The following LRMDA variants were observed in gnomAD, a reference collection of about 807,000 sequenced individuals.
LRMDA encodes leucine rich melanocyte differentiation associated.
In LRMDA, 18 loss-of-function variants were observed where a neutral mutation model predicts 29.8. The ratio of observed to expected loss-of-function variants is 0.60; its 90% CI spans 0.42 to 0.90. LRMDA has a LOEUF of 0.90. Among genes scored for constraint, LRMDA ranks in the 40% least tolerant of loss-of-function variants. The pLI, the probability that LRMDA is intolerant of heterozygous loss-of-function variation, is 0.00. For missense variants in LRMDA, 273 were observed against 273.9 expected (o/e 1.00, Z 0.02); for synonymous variants, 125 against 109.4 (o/e 1.14, Z -0.89).
intron 2 of LRMDA, among the ~76,000 whole-genome samples, chr10:76,030,731 GTGAGCTGCGA>G (rs987317880): frequency 3.5e-4 from 54 of 152,366 alleles, no homozygotes; most frequent in African/African-American, 1.1e-3. Context: ...GGAGGTTGCA[GTGAGCTGCGA>G]TTGTGCCACT....
intron 2 of LRMDA, among the ~76,000 whole-genome samples, chr10:75,661,289 A>T (rs761554013): frequency 3.9e-5 from 6 of 152,222 alleles, no homozygotes; most frequent in Non-Finnish European, 7.3e-5. Context: ...GAAGGATCCC[A>T]ACAGAGGCTG....
chr10:76,192,248 T>A (rs1314997210), intron 5 of LRMDA, among the ~76,000 whole-genome samples: 2 of 152,116 alleles, frequency 1.3e-5, no homozygotes, highest in South Asian at 2.1e-4. Context: ...CTCCAGTGAG[T>A]CTAATTTCTT....
intron 2 of LRMDA, among the ~76,000 whole-genome samples, chr10:75,870,550 G>T (rs919361151): frequency 6.6e-6 from 1 of 152,124 alleles, no homozygotes; most frequent in African/African-American, 2.4e-5. Context: ...TATGTCCTTT[G>T]GAGCTCTCCC....
At chr10:75,530,548 A>G (rs1845465542) in intron 2 of LRMDA, among the ~76,000 whole-genome samples, 2 of 152,106 alleles carry the variant, frequency 1.3e-5, no homozygotes, top group African/African-American at 2.4e-5. Context: ...TGTGAAGGGC[A>G]CCCCCATTCC....
chr10:76,162,636 A>G (rs1850668636), intron 5 of LRMDA, among the ~76,000 whole-genome samples: 1 of 152,138 alleles, frequency 6.6e-6, no homozygotes, highest in South Asian at 2.1e-4. Flanking sequence ...TCTCATGAGA[A>G]GTCACTTGTT....
intron 2 of LRMDA, among the ~76,000 whole-genome samples, chr10:75,922,325 G>T (rs1436751082): frequency 6.6e-6 from 1 of 152,186 alleles, no homozygotes; most frequent in African/African-American, 2.4e-5. Context: ...GTTTTGGTTT[G>T]GTTTGCCTTC....
At chr10:75,838,124 A>G (rs548052032) in intron 2 of LRMDA, among the ~76,000 whole-genome samples, 32 of 152,350 alleles carry the variant, frequency 2.1e-4, no homozygotes, top group African/African-American at 7.7e-4. Context: ...TCTATTTTTC[A>G]AATGTCCATA....
At chr10:76,469,265 G>A (rs1315610379) in intron 6 of LRMDA, among the ~76,000 whole-genome samples, 3 of 152,142 alleles carry the variant, frequency 2.0e-5, no homozygotes, top group Non-Finnish European at 4.4e-5. Context: ...TTACCCAGAA[G>A]AGCAGGCTGC....
At chr10:76,229,887 T>C (rs1852028077) in intron 5 of LRMDA, among the ~76,000 whole-genome samples, 1 of 152,154 alleles carries the variant, frequency 6.6e-6, no homozygotes, top group African/African-American at 2.4e-5. Context: ...TGCCCCTTAG[T>C]TCACTTTCTT....
intron 5 of LRMDA, among the ~76,000 whole-genome samples, chr10:76,206,657 A>G (rs181889228): frequency 6.6e-6 from 1 of 152,178 alleles, no homozygotes; most frequent in Non-Finnish European, 1.5e-5. Context: ...GGGCTGTGTT[A>G]ATCATAAATT....
At chr10:75,846,722 A>C (rs894820095) in intron 2 of LRMDA, among the ~76,000 whole-genome samples, 2 of 152,044 alleles carry the variant, frequency 1.3e-5, no homozygotes, top group African/African-American at 4.8e-5. Context: ...CCAAAAACAA[A>C]CCCCCCACCA....
chr10:76,484,235 C>T (rs1842760265), intron 6 of LRMDA, among the ~76,000 whole-genome samples: 1 of 151,436 alleles, frequency 6.6e-6, no homozygotes, highest in Non-Finnish European at 1.5e-5. Context: ...TCTTCTCCTC[C>T]TTCTCCTTCT....
At chr10:75,679,733 C>A (rs1842001996) in intron 2 of LRMDA, among the ~76,000 whole-genome samples, 1 of 152,094 alleles carries the variant, frequency 6.6e-6, no homozygotes, top group Non-Finnish European at 1.5e-5. Context: ...TGTTCTGTCA[C>A]CAGTCTCCTT....
At chr10:75,736,470 TATTA>T (rs1358969476) in intron 2 of LRMDA, among the ~76,000 whole-genome samples, 12 of 152,322 alleles carry the variant, frequency 7.9e-5, no homozygotes, top group Admixed American at 2.6e-4. Flanking sequence ...CATGCGGTGC[TATTA>T]ATTCTCATTG....
chr10:76,073,743 A>G (rs1033421158), intron 5 of LRMDA, among the ~76,000 whole-genome samples: 2 of 152,134 alleles, frequency 1.3e-5, no homozygotes, highest in Non-Finnish European at 2.9e-5. Flanking sequence ...CCCAGGCTAG[A>G]GGGAATGTAG....
intron 6 of LRMDA, among the ~76,000 whole-genome samples, chr10:76,434,146 C>CTTCT (rs55646122): frequency 0.39 from 58,495 of 151,464 alleles, 11,643 homozygotes; most frequent in Non-Finnish European, 0.43. Context: ...CTCATATCCT[C>CTTCT]TTCTTTCTTT....
intron 2 of LRMDA, among the ~76,000 whole-genome samples, chr10:75,888,184 C>A (rs554193126): frequency 4.9e-4 from 75 of 152,272 alleles, no homozygotes; most frequent in Middle Eastern, 3.4e-3. Flanking sequence ...CCAGCCCCAG[C>A]CCTGTAGCCA....
chr10:76,323,860 T>G (rs1412683729), intron 5 of LRMDA, among the ~76,000 whole-genome samples: 1 of 152,246 alleles, frequency 6.6e-6, no homozygotes, highest in Non-Finnish European at 1.5e-5. Context: ...TTCTCACTGC[T>G]GTTGTTAAAC....
At chr10:75,958,573 A>C (rs1470558044) in intron 2 of LRMDA, among the ~76,000 whole-genome samples, 1 of 151,498 alleles carries the variant, frequency 6.6e-6, no homozygotes, top group Non-Finnish European at 1.5e-5. Context: ...TTGAAAAAAA[A>C]CCTGCCCACT....
Sources: gnomAD v4.1 joint callset for allele counts (sites outside exome capture counted in the v4.1 genomes callset) on GRCh38, gnomAD v4.1.1 for gene constraint, MANE v1.5 for transcripts, NCBI Gene and HGNC (gene_info 2026-07-23, HGNC 2026-07-21) for gene names.